SLC22A6: variants seen among roughly 807,000 people sequenced by gnomAD.
SLC22A6 encodes solute carrier family 22 member 6.
In SLC22A6, 45 loss-of-function variants were observed where a neutral mutation model predicts 56.7. The ratio of observed to expected loss-of-function variants is 0.79; its 90% CI spans 0.63 to 1.02. The LOEUF is 1.02. Among genes scored for constraint, SLC22A6 ranks in the 50% least tolerant of loss-of-function variants. SLC22A6 has a pLI of 0.00. For missense variants in SLC22A6, 606 were observed against 713.8 expected, an observed-to-expected ratio of 0.85 and a Z score of 1.72; for synonymous variants, 291 against 295.9, an observed-to-expected ratio of 0.98 and a Z score of 0.17.
chr11:62,977,983 T>C (rs1322158536), intron 8 of SLC22A6, among the ~76,000 whole-genome samples: 5 of 152,252 alleles, frequency 3.3e-5, no homozygotes, highest in Non-Finnish European at 7.3e-5. Flanking sequence ...AATGCATGCT[T>C]CACCATTTGT....
rs1399028144 is a variant in SLC22A6, at chr11:62,981,899, C to T, written c.740G>A (p.Trp247Ter). The T allele has an allele frequency of 6.2e-7, 1 of 1,613,908 alleles. No homozygotes were observed. The highest frequency in any genetic ancestry group is 8.5e-7 in the Non-Finnish European group (1 of 1,179,988). The change falls in exon 4 of 10, where the codon TGG (tryptophan) becomes TAG (stop). Residue 247 changes from tryptophan to a stop codon, truncating the protein, a stop_gained. Coordinates refer to ENST00000360421, the MANE Select transcript of SLC22A6 (RefSeq NM_153276.3). LOFTEE classifies it high-confidence loss of function. ...LAGVAYAVPH[W>*]RHLQLLVSAP... ...AGAGACCAGTAGCTGCAGGTGGCGC[C>T]AGTGGGGCACAGCGTAGGCCACACC...
Position 62,981,257 on chromosome 11 carries a change from C to G in SLC22A6, c.921+3G>C. On this transcript the variant is annotated splice_donor_region_variant and intron_variant, in intron 5 of 9. Coordinates refer to ENST00000360421, the MANE Select transcript of SLC22A6 (RefSeq NM_153276.3). ...TATCATGGGAAGTCTCAGGGGATCT[C>G]ACCTCCATACTCAATTTGGCTCCTT... is the stretch of plus-strand genomic sequence containing the variant. 6.2e-7 allele frequency: 1 copy of G among 1,609,770 alleles called. No individual in the cohort carries two copies.
intron 6 of SLC22A6, 129 bp downstream of exon 6, chr11:62,980,856 G>A: frequency 1.4e-6 from 1 of 705,644 alleles, no homozygotes. Context: ...GATCCCTAGT[G>A]TGGGGTTACT....
In SLC22A6 at chr11:62,977,539, G is replaced by A. The variant is rs967612413; in HGVS notation, c.1362-152C>T. The A allele has an allele frequency of 2.9e-5, 27 of 945,318 alleles. No homozygotes were observed. In the East Asian group the frequency reaches 5.6e-4, roughly 20 times the overall value. The allele number at this position is 945,318 out of a possible 1,614,324, so 58.6% of individuals were successfully genotyped here. On this transcript the variant is annotated intron_variant, in intron 8 of 9. Transcript: ENST00000360421. The stretch of plus-strand genomic sequence containing the variant: ...CATTTGATTAGCAAACCAATTTGGC[G>A]ATTTTTTTTTTTCTTGTAGAGATAG...
In SLC22A6 at chr11:62,981,889, C is replaced by T. The variant is rs761992358; in HGVS notation, c.750G>A (p.Leu250=). 9 of 1,613,808 alleles carry T rather than the reference C, an allele frequency of 5.6e-6. No individual in the cohort carries two copies. In the South Asian group the frequency reaches 9.9e-5, roughly 18 times the overall value. Residue 250 remains leucine, a synonymous_variant, in exon 4 of 10, where the codon CTG becomes CTA. Coordinates refer to ENST00000360421, the MANE Select transcript of SLC22A6 (RefSeq NM_153276.3). ...AAAAAGGCGCAGAGACCAGTAGCTG[C>T]AGGTGGCGCCAGTGGGGCACAGCGT... ...VAYAVPHWRH[L]QLLVSAPFFA...
At position 62,983,368 on chromosome 11, in the gene SLC22A6, G is replaced by T. The variant is rs1428365790; in HGVS notation, c.628+169C>A. Among the ~76,000 whole-genome samples, 5 of 152,204 alleles carry T rather than the reference G, an allele frequency of 3.3e-5. No individual in the cohort carries two copies. Among genetic ancestry groups the T allele is most frequent in the Non-Finnish European group, 7.3e-5 (5 of 68,038 alleles). ...CCGCAATCCTGTTTTTAAATGAGGGGTCAGGGCGGCATGAGCCTGAGAAAA... is the reference window on the plus strand; with the variant it reads ...CCGCAATCCTGTTTTTAAATGAGGGTTCAGGGCGGCATGAGCCTGAGAAAA... On this transcript the variant is annotated intron_variant, in intron 3 of 9. Transcript: ENST00000360421. The surrounding 1 kb of genome is among the most constrained non-coding windows in gnomAD (Gnocchi z 4.5).
chr11:62,980,867 G>T, intron 6 of SLC22A6, 118 bp downstream of exon 6: 1 of 781,858 alleles, frequency 1.3e-6, no homozygotes, highest in Non-Finnish European at 2.0e-6. Context: ...TGGGGTTACT[G>T]CTTCTCACAG....
chr11:62,983,154 C>T lies in SLC22A6; in HGVS notation c.628+383G>A, dbSNP rs1455381541. Among the ~76,000 whole-genome samples, 1 of 152,056 alleles carries T rather than the reference C, an allele frequency of 6.6e-6. No individual in the cohort carries two copies. The highest frequency in any genetic ancestry group is 1.5e-5 in the Non-Finnish European group (1 of 68,010). On this transcript the variant is annotated intron_variant, in intron 3 of 9. Coordinates refer to ENST00000360421, the MANE Select transcript of SLC22A6 (RefSeq NM_153276.3). The surrounding 1 kb of genome is among the most constrained non-coding windows in gnomAD (Gnocchi z 4.5). ...CCGCCTCCCGGGTTCACGCCATTCT[C>T]CTGCCTCAGCCTCCCGAGTAGCTGG...
intron 9 of SLC22A6, 139 bp from the exon 10 acceptor site, chr11:62,977,020 C>G: frequency 6.6e-7 from 1 of 1,504,300 alleles, no homozygotes; most frequent in South Asian, 1.2e-5. Flanking sequence ...CTCCCTGGAG[C>G]TGGGATCCCC....
chr11:62,984,648 G>A lies in SLC22A6; in HGVS notation c.43C>T (p.Arg15Cys), dbSNP rs762097180. The stretch of plus-strand genomic sequence containing the variant: ...AGGGTGACCTGGATCTGCTGGAAGC[G>A]GCCGACACCCCCCACCTGCTGCAGG... ...DLLQQVGGVG[R>C]FQQIQVTLVV... The change falls in exon 1 of 10, where the codon CGC (arginine) becomes TGC (cysteine). Residue 15 changes from arginine (R) to cysteine (C), a missense_variant. Physicochemically the swap from Arg to Cys is radical, Grantham distance 180. Transcript: ENST00000360421. 20 of 1,613,614 alleles carry A rather than the reference G, an allele frequency of 1.2e-5. No individual in the cohort carries two copies. Among genetic ancestry groups the A allele is most frequent in the South Asian group, 6.6e-5 (6 of 91,016 alleles).
intron 8 of SLC22A6, 80 bp from the exon 9 acceptor site, chr11:62,977,467 A>G: frequency 6.7e-7 from 1 of 1,491,168 alleles, no homozygotes; most frequent in African/African-American, 1.4e-5. Flanking sequence ...GGAGGGTGGC[A>G]GCTCAGGCTC....
chr11:62,976,728 G>T lies in SLC22A6; in HGVS notation c.*66C>A, dbSNP rs558752459. On this transcript the variant is annotated 3_prime_UTR_variant, in exon 10 of 10. Coordinates refer to ENST00000360421, the MANE Select transcript of SLC22A6 (RefSeq NM_153276.3). ...ACCATTTCCTCTTCCTCCTCCTTGT[G>T]TGGGTGGCCGGAGACCTGTAGGACC... The T allele has an allele frequency of 1.5e-6, 2 of 1,347,028 alleles. No individual in the cohort carries two copies. Among genetic ancestry groups the T allele is most frequent in the Admixed American group, 2.1e-5 (1 of 46,570 alleles). 83.4% of individuals were successfully genotyped at this position (1,347,028 alleles called of 1,614,324 possible). A position where few individuals can be genotyped will look rare whatever the true frequency, so the allele number is the denominator to read the frequency against.
At chr11:62,976,998 A>G in intron 9 of SLC22A6, 117 bp from the exon 10 acceptor site, 1 of 1,502,600 alleles carries the variant, frequency 6.7e-7, no homozygotes, top group Non-Finnish European at 9.2e-7. Context: ...TCTCTGCCCC[A>G]AATACCTACT....
Position 62,977,496 on chromosome 11 carries a change from G to A in SLC22A6, c.1362-109C>T, listed in dbSNP as rs144351015. On this transcript the variant is annotated intron_variant, in intron 8 of 9. Transcript: ENST00000360421. ...CAGGCTCAGCCCCCAGGACACTCCC[G>A]GTACCTCCTCTCTTCCCCATTTGAT... The A allele has an allele frequency of 9.3e-5, 117 of 1,257,516 alleles. No homozygotes were observed. In the African/African-American group the frequency reaches 1.2e-3, roughly 13 times the overall value. 77.9% of individuals were successfully genotyped at this position (1,257,516 alleles called of 1,614,324 possible).
rs748996126 is a variant in SLC22A6, at chr11:62,984,490, C to T, written c.201G>A (p.Leu67=). 2 of 1,613,964 alleles carry T rather than the reference C, an allele frequency of 1.2e-6. No homozygotes were observed. Residue 67 remains leucine, a synonymous_variant, in exon 1 of 10, where the codon CTG becomes CTA. Transcript: ENST00000360421. Reference sequence around the variant, plus strand: ...CAGGCTGCCCCTGCCTGTCCCGGGGCAGCCAGACCTCCAGCCCCCCGTTCT... The same window carrying T: ...CAGGCTGCCCCTGCCTGTCCCGGGGTAGCCAGACCTCCAGCCCCCCGTTCT... ...LSKNGGLEVW[L]PRDRQGQPES...
rs752045285 is a variant in SLC22A6, at chr11:62,979,802, C to T, written c.1184G>A (p.Arg395Gln). 4.3e-6 allele frequency: 7 copies of T among 1,614,146 alleles called. No individual in the cohort carries two copies. Among genetic ancestry groups the T allele is most frequent in the East Asian group, 2.2e-5 (1 of 44,870 alleles). The change falls in exon 7 of 10, where the codon CGG becomes CAG. Residue 395 changes from arginine to glutamine, a missense_variant. Coordinates refer to ENST00000360421, the MANE Select transcript of SLC22A6 (RefSeq NM_153276.3). Reference sequence around the variant, plus strand: ...CAGCAGTGCAGCCATCTGGGCAGGCCGGCGACCCAGGGAGTTGATGACAAG... The same window carrying T: ...CAGCAGTGCAGCCATCTGGGCAGGCTGGCGACCCAGGGAGTTGATGACAAG... ...GFLVINSLGRRPAQMAALLLA... is the reference protein window; with the variant it reads ...GFLVINSLGRQPAQMAALLLA...
At chr11:62,980,001 G>T in intron 6 of SLC22A6, 53 bp from the exon 7 acceptor site, 4 of 1,353,958 alleles carry the variant, frequency 3.0e-6, no homozygotes, top group Non-Finnish European at 4.2e-6. Context: ...TTAAAGTGGG[G>T]TGCTCTTTCA....
intron 1 of SLC22A6, 114 bp from the exon 2 acceptor site, chr11:62,984,161 G>C: frequency 8.4e-7 from 1 of 1,190,274 alleles, no homozygotes; most frequent in Non-Finnish European, 1.2e-6. Flanking sequence ...CCGGCACTTT[G>C]CCCTTTGCCT....
In SLC22A6 at chr11:62,981,067, T is replaced by C. The variant is rs1203708861; in HGVS notation, c.955A>G (p.Met319Val). 1.9e-6 allele frequency: 3 copies of C among 1,612,506 alleles called. No individual in the cohort carries two copies. Among genetic ancestry groups the C allele is most frequent in the South Asian group, 2.2e-5 (2 of 90,938 alleles). Residue 319 changes from methionine to valine, a missense_variant, in exon 6 of 10, where the codon ATG becomes GTG. By Grantham distance (21) the Met-to-Val change is conservative (BLOSUM62 1). Coordinates refer to ENST00000360421, the MANE Select transcript of SLC22A6 (RefSeq NM_153276.3). ...LRASLQKELT[M>V]GKGQASAMEL... The stretch of plus-strand genomic sequence containing the variant: ...ATGGCCGATGCCTGGCCTTTGCCCA[T>C]GGTCAGCTCCTTCTGCAGACTGGCC...
Sources: gnomAD v4.1 joint callset for allele counts (sites outside exome capture counted in the v4.1 genomes callset) on GRCh38, gnomAD v4.1.1 for gene constraint, Gnocchi (gnomAD v3.1) non-coding constraint, MANE v1.5 for transcripts, NCBI Gene and HGNC (gene_info 2026-07-23, HGNC 2026-07-21) for gene names.